Variants in PLEKHG4B observed in about 807,000 individuals in gnomAD.
PLEKHG4B encodes the protein pleckstrin homology domain-containing family G member 4B.
Under a neutral mutation model 121.3 loss-of-function variants are expected in PLEKHG4B, and 111 were observed. The observed-to-expected ratio is 0.92, with a 90% CI of 0.78 to 1.07. The LOEUF is 1.07. PLEKHG4B is among the 50% of genes least tolerant of loss of function. The probability of loss-of-function intolerance (pLI) is 0.00; values close to 1 mark genes in which losing one functional copy is unlikely to be tolerated. For missense variants in PLEKHG4B, 1,831 were observed against 1,757.8 expected (o/e 1.04, Z -0.74); for synonymous variants, 738 against 725.0 (o/e 1.02, Z -0.29).
Position 174,087 on chromosome 5 carries a change from TAA to T in PLEKHG4B, c.4393_4394del (p.Lys1465GlufsTer30). ...GGGAGGATCCTGTGGCGGCAGGCACTAAAGAGCAGAGGTGGGAAGATGGGGGC... is the reference window on the plus strand; with the variant it reads ...GGGAGGATCCTGTGGCGGCAGGCACTAGAGCAGAGGTGGGAAGATGGGGGC... On this transcript the variant is annotated frameshift_variant, in exon 18 of 20. Transcript: ENST00000637938. LOFTEE classifies it high-confidence loss of function. 1.3e-6 allele frequency: 2 copies of T among 1,538,002 alleles called. No individual in the cohort carries two copies. The highest frequency in any genetic ancestry group is 1.7e-6 in the Non-Finnish European group (2 of 1,142,904).
At chr5:111,994 A>G (rs1579246274) in intron 1 of PLEKHG4B, among the ~76,000 whole-genome samples, 2 of 152,058 alleles carry the variant, frequency 1.3e-5, no homozygotes, top group Non-Finnish European at 2.9e-5. Context: ...CTCATGGACT[A>G]TGTGTTTGCT....
Position 163,496 on chromosome 5 carries a change from T to C in PLEKHG4B, c.3424T>C (p.Ser1142Pro). Residue 1142 changes from serine to proline, a missense_variant, in exon 13 of 20, where the codon TCC (serine) becomes CCC (proline). Physicochemically the swap from Ser to Pro is moderately conservative, Grantham distance 74. Coordinates refer to ENST00000637938, the MANE Select transcript of PLEKHG4B (RefSeq NM_052909.5). ...GGTCACTCAGAGCCGGAGTCTGTCC[T>C]CCCCCTCGGGGCTCCACCCTGCTGA... ...PPVTQSRSLS[S>P]PSGLHPAEED... 2 of 1,611,924 alleles carry C rather than the reference T, an allele frequency of 1.2e-6. No homozygotes were observed. Among genetic ancestry groups the C allele is most frequent in the Non-Finnish European group, 8.5e-7 (1 of 1,179,694 alleles).
chr5:162,214 C>T (rs1291019482), intron 12 of PLEKHG4B, among the ~76,000 whole-genome samples: 3 of 151,926 alleles, frequency 2.0e-5, no homozygotes, highest in South Asian at 2.1e-4. Flanking sequence ...GAAAATTCCA[C>T]TGATTGCCCA....
intron 6 of PLEKHG4B, 68 bp from the exon 7 acceptor site, chr5:151,445 G>A: frequency 3.7e-6 from 4 of 1,074,910 alleles, no homozygotes; most frequent in Non-Finnish European, 5.4e-6. Flanking sequence ...CTCAAAATTG[G>A]GCAATTCTAT....
intron 7 of PLEKHG4B, among the ~76,000 whole-genome samples, chr5:153,692 T>A (rs928754688): frequency 1.3e-5 from 2 of 152,210 alleles, no homozygotes; most frequent in Non-Finnish European, 2.9e-5. Flanking sequence ...TTTATTTATG[T>A]TTTTATTTTT....
intron 6 of PLEKHG4B, among the ~76,000 whole-genome samples, chr5:148,293 C>T (rs766944749): frequency 1.5e-4 from 23 of 150,040 alleles, no homozygotes. Context: ...GTAAAATTAT[C>T]TCTATTCCCA....
At chr5:127,379 A>ATTG (rs1553983979) in intron 2 of PLEKHG4B, among the ~76,000 whole-genome samples, 1 of 148,020 alleles carries the variant, frequency 6.8e-6, no homozygotes, top group African/African-American at 2.5e-5. Flanking sequence ...TATTATTATT[A>ATTG]TAGGCTGCCT....
At chr5:118,189 G>T (rs1351381743) in intron 2 of PLEKHG4B, among the ~76,000 whole-genome samples, 1 of 152,158 alleles carries the variant, frequency 6.6e-6, no homozygotes, top group Non-Finnish European at 1.5e-5. Flanking sequence ...CAAAAAGCCA[G>T]GAAGACATGA....
chr5:188,343 C>T lies in PLEKHG4B; in HGVS notation c.*6020C>T, dbSNP rs1037283750. The T allele has an allele frequency of 8.5e-5, 13 of 152,368 alleles. 1 individual carries two copies. The highest frequency in any genetic ancestry group is 2.6e-4 in the Admixed American group (4 of 15,296). The allele number at this position is 152,368 out of a possible 1,614,324, so 9.4% of individuals were successfully genotyped here. A position where few individuals can be genotyped will look rare whatever the true frequency, so the allele number is the denominator to read the frequency against. On this transcript the variant is annotated 3_prime_UTR_variant, in exon 20 of 20. Coordinates refer to ENST00000637938, the MANE Select transcript of PLEKHG4B (RefSeq NM_052909.5). The stretch of plus-strand genomic sequence containing the variant: ...CTGGGGGGGCTCACAGAGGACCGAC[C>T]CTGCAGGGAGATGCTGACCCACCCT...
intron 6 of PLEKHG4B, among the ~76,000 whole-genome samples, chr5:147,710 A>G (rs1735464790): frequency 6.6e-6 from 1 of 152,234 alleles, no homozygotes; most frequent in Non-Finnish European, 1.5e-5. Context: ...AAAGAAATTC[A>G]TGTAGGAAAT....
At chr5:99,754 T>C (rs566228876) in intron 1 of PLEKHG4B, among the ~76,000 whole-genome samples, 21 of 152,240 alleles carry the variant, frequency 1.4e-4, no homozygotes, top group Admixed American at 1.2e-3. Flanking sequence ...ACTAAAACTT[T>C]CAGGACAATG....
chr5:111,214 A>G (rs1161698150), intron 1 of PLEKHG4B, among the ~76,000 whole-genome samples: 1 of 152,272 alleles, frequency 6.6e-6, no homozygotes, highest in African/African-American at 2.4e-5. Context: ...GGCTGCTATG[A>G]ATAAACCTGG....
At chr5:142,910 A>C (rs1735269345) in intron 3 of PLEKHG4B, 137 bp from the exon 4 acceptor site, 1 of 828,658 alleles carries the variant, frequency 1.2e-6, no homozygotes, top group South Asian at 1.6e-5. Context: ...TCCCGTGTGA[A>C]CTGGGACAAG....
intron 6 of PLEKHG4B, among the ~76,000 whole-genome samples, chr5:146,363 C>T (rs1735414430): frequency 7.0e-6 from 1 of 143,864 alleles, no homozygotes; most frequent in Non-Finnish European, 1.5e-5. Flanking sequence ...CCTCTCCACC[C>T]CCACAGTGGT....
At chr5:154,773 G>A in intron 7 of PLEKHG4B, 102 bp from the exon 8 acceptor site, 2 of 879,118 alleles carry the variant, frequency 2.3e-6, no homozygotes, top group South Asian at 2.9e-5. Context: ...TACTCCTTGA[G>A]CCAGCCTCTC....
intron 18 of PLEKHG4B, among the ~76,000 whole-genome samples, chr5:180,852 C>T (rs1736909443): frequency 6.6e-6 from 1 of 152,216 alleles, no homozygotes; most frequent in South Asian, 2.1e-4. Context: ...CAGCTTTGCA[C>T]ATTACCTATT....
Position 158,497 on chromosome 5 carries a change from T to G in PLEKHG4B, c.2487+1586T>G, listed in dbSNP as rs551349656. 8.2e-5 allele frequency among the ~76,000 whole-genome samples: 10 copies of G among 122,602 alleles called. No homozygotes were observed. In the South Asian group the frequency reaches 2.9e-3, roughly 36 times the overall value. 80.4% of individuals were successfully genotyped at this position (122,602 alleles called of 152,430 possible). On this transcript the variant is annotated intron_variant, in intron 11 of 19. Transcript: ENST00000637938. ...CTCCTCCCACTGCCTATTCTGGGGGTCTCCCCTATCTCCCCTCCTCCCTCT... is the reference window on the plus strand; with the variant it reads ...CTCCTCCCACTGCCTATTCTGGGGGGCTCCCCTATCTCCCCTCCTCCCTCT...
chr5:172,805 C>T (rs1393264483), intron 16 of PLEKHG4B, 92 bp from the exon 17 acceptor site: 31 of 1,417,042 alleles, frequency 2.2e-5, no homozygotes, highest in South Asian at 1.3e-4. Flanking sequence ...CGTCTTGTCA[C>T]GAAGCTAACA....
chr5:171,092 CG>C lies in PLEKHG4B; in HGVS notation c.3781del (p.Asp1261MetfsTer19). 6.2e-7 allele frequency: 1 copy of C among 1,613,416 alleles called. No homozygotes were observed. Among genetic ancestry groups the C allele is most frequent in the South Asian group, 1.1e-5 (1 of 91,006 alleles). On this transcript the variant is annotated frameshift_variant, in exon 15 of 20. Coordinates refer to ENST00000637938, the MANE Select transcript of PLEKHG4B (RefSeq NM_052909.5). LOFTEE classifies it high-confidence loss of function. ...YVIYSKNKPQ[S>X]DALLSSHGNA... The stretch of plus-strand genomic sequence containing the variant: ...ATCTACAGCAAAAACAAGCCGCAGT[CG>C]GATGCCCTGCTCAGCAGCCATGGCA...
Sources: allele counts gnomAD v4.1 joint callset (sites outside exome capture counted in the v4.1 genomes callset), GRCh38; gene constraint gnomAD v4.1.1; transcripts MANE v1.5; gene names NCBI Gene and HGNC (gene_info 2026-07-23, HGNC 2026-07-21).